Variants in TRHDE observed in about 807,000 individuals in gnomAD.
TRHDE encodes the protein thyrotropin releasing hormone degrading enzyme.
TRHDE carries 72 observed loss-of-function variants against 125.7 expected under a neutral mutation model. That is an observed-to-expected ratio of 0.57 (90% CI 0.47 to 0.70). The LOEUF (loss-of-function observed/expected upper bound fraction) is 0.70. TRHDE is among the 30% of genes least tolerant of loss of function. The probability of loss-of-function intolerance (pLI) is 0.00; values close to 1 mark genes in which losing one functional copy is unlikely to be tolerated. For missense variants in TRHDE, 1,110 were observed against 1,327.1 expected (o/e 0.84, Z 2.54); for synonymous variants, 509 against 509.1 (o/e 1.00, Z 0.00).
chr12:72,469,623 T>C, intron 3 of TRHDE, 135 bp from the exon 4 acceptor site: 2 of 907,854 alleles, frequency 2.2e-6, no homozygotes, highest in Non-Finnish European at 3.3e-6. Context: ...TGGCAAGTAG[T>C]TTAATTTGCC....
intron 2 of TRHDE, among the ~76,000 whole-genome samples, chr12:72,300,674 C>CAT (rs1182290858): frequency 3.3e-5 from 5 of 151,338 alleles, no homozygotes; most frequent in Non-Finnish European, 7.4e-5. Context: ...TACACACACA[C>CAT]ATATATATAC....
At chr12:72,205,332 G>GT (rs35613758) in intron 2 of TRHDE, among the ~76,000 whole-genome samples, 6,740 of 138,488 alleles carry the variant, frequency 0.049, 205 homozygotes, top group African/African-American at 0.086. Flanking sequence ...CCAAAGCACT[G>GT]TTTTTTTTTT....
intron 18 of TRHDE, 113 bp downstream of exon 18, chr12:72,657,121 A>G (rs1000847070): frequency 1.2e-5 from 8 of 681,216 alleles, no homozygotes; most frequent in Admixed American, 4.8e-5. Context: ...TTACTTACAC[A>G]CGCACACCAC....
At chr12:72,136,420 A>T (rs1197318896) in intron 2 of TRHDE, among the ~76,000 whole-genome samples, 2 of 152,246 alleles carry the variant, frequency 1.3e-5, no homozygotes, top group African/African-American at 4.8e-5. Context: ...TATGAAGCAG[A>T]GGCATGCATA....
At chr12:72,583,877 C>G (rs1871335181) in intron 12 of TRHDE, among the ~76,000 whole-genome samples, 1 of 150,718 alleles carries the variant, frequency 6.6e-6, no homozygotes, top group Non-Finnish European at 1.5e-5. Flanking sequence ...AAGTACAAAT[C>G]TCCTGAGGCA....
At chr12:72,429,017 A>G (rs1197035190) in intron 3 of TRHDE, among the ~76,000 whole-genome samples, 1 of 152,090 alleles carries the variant, frequency 6.6e-6, no homozygotes, top group Admixed American at 6.6e-5. Flanking sequence ...TGCAGCCATA[A>G]AAAAGGATGA....
intron 2 of TRHDE, among the ~76,000 whole-genome samples, chr12:72,139,515 C>T (rs911880677): frequency 4.6e-5 from 7 of 152,232 alleles, no homozygotes; most frequent in Admixed American, 3.3e-4. Flanking sequence ...CCTCGGTGTT[C>T]ATGTGTAGCC....
intron 1 of TRHDE, chr12:72,274,945 T>G (rs897252148): frequency 6.6e-6 from 1 of 152,206 alleles, no homozygotes; most frequent in Non-Finnish European, 1.5e-5. Context: ...AATTCCCACA[T>G]TGCTAAGATA....
chr12:72,105,474 G>A (rs1312961926), intron 1 of TRHDE, among the ~76,000 whole-genome samples: 1 of 152,134 alleles, frequency 6.6e-6, no homozygotes, highest in African/African-American at 2.4e-5. Context: ...ATGGACAGCT[G>A]TGAATGCCAA....
intron 18 of TRHDE, among the ~76,000 whole-genome samples, chr12:72,659,986 G>A (rs11179308): frequency 0.15 from 23,453 of 151,826 alleles, 2,457 homozygotes; most frequent in East Asian, 0.54. Context: ...GGAGACCGGT[G>A]GTGGCCCCAA....
At chr12:72,332,430 C>G (rs184548160) in intron 2 of TRHDE, among the ~76,000 whole-genome samples, 1 of 152,214 alleles carries the variant, frequency 6.6e-6, no homozygotes, top group African/African-American at 2.4e-5. Flanking sequence ...TGAGCCACTG[C>G]GCTCGGCCCC....
At chr12:72,305,339 C>G (rs987829814) in intron 2 of TRHDE, among the ~76,000 whole-genome samples, 4 of 152,046 alleles carry the variant, frequency 2.6e-5, no homozygotes, top group Non-Finnish European at 5.9e-5. Flanking sequence ...TTACTAAATC[C>G]CACTAAAAGG....
intron 2 of TRHDE, among the ~76,000 whole-genome samples, chr12:72,151,402 AGATCCC>A (rs1459099421): frequency 6.6e-6 from 1 of 152,174 alleles, no homozygotes; most frequent in Non-Finnish European, 1.5e-5. Context: ...TAGTTTAATT[AGATCCC>A]ATTTGTCAAT....
intron 3 of TRHDE, among the ~76,000 whole-genome samples, chr12:72,428,546 A>T (rs1874287151): frequency 6.6e-6 from 1 of 152,136 alleles, no homozygotes; most frequent in Non-Finnish European, 1.5e-5. Context: ...CTTTATTTTT[A>T]ATATAACAGC....
At chr12:72,488,792 C>A (rs73146937) in intron 5 of TRHDE, among the ~76,000 whole-genome samples, 3,100 of 151,868 alleles carry the variant, frequency 0.02, 47 homozygotes, top group Non-Finnish European at 0.032. Flanking sequence ...TGATTGAAAT[C>A]ATAGATAGCA....
chr12:72,236,728 CTT>C (rs903013773), intron 2 of TRHDE, among the ~76,000 whole-genome samples: 1 of 152,104 alleles, frequency 6.6e-6, no homozygotes, highest in African/African-American at 2.4e-5. Context: ...CATCCACAGC[CTT>C]TTAGATCAAT....
At chr12:72,253,717 TCC>T in intron 2 of TRHDE, 1 of 152,142 alleles carries the variant, frequency 6.6e-6, no homozygotes, top group Admixed American at 6.6e-5. Flanking sequence ...GTAATTCCTA[TCC>T]CTAACTTGCT....
At chr12:72,562,757 A>T in intron 8 of TRHDE, 96 bp from the exon 9 acceptor site, 1 of 765,250 alleles carries the variant, frequency 1.3e-6, no homozygotes, top group Non-Finnish European at 2.0e-6. Context: ...TTTCATATTT[A>T]GGTAAATAGT....
At chr12:72,326,204 A>G (rs866709736) in intron 2 of TRHDE, among the ~76,000 whole-genome samples, 12 of 152,316 alleles carry the variant, frequency 7.9e-5, no homozygotes, top group South Asian at 4.1e-4. Flanking sequence ...GACAAATCCT[A>G]TATTTCATTC....
Sources: gnomAD v4.1 joint callset for allele counts (sites outside exome capture counted in the v4.1 genomes callset) on GRCh38, gnomAD v4.1.1 for gene constraint, MANE v1.5 for transcripts, NCBI Gene and HGNC (gene_info 2026-07-23, HGNC 2026-07-21) for gene names.